CDC42SE2: variants seen among roughly 807,000 people sequenced by gnomAD.
The protein encoded by CDC42SE2 is CDC42 small effector protein 2.
A neutral mutation model predicts 11.5 loss-of-function variants in CDC42SE2; 3 were observed. The ratio of observed to expected loss-of-function variants is 0.26; its 90% confidence interval spans 0.12 to 0.67. The LOEUF (loss-of-function observed/expected upper bound fraction) is 0.67. Ranked by LOEUF, CDC42SE2 falls within the 30% of genes least tolerant of loss-of-function variation. The pLI, the probability that CDC42SE2 is intolerant of heterozygous loss-of-function variation, is 0.80. For missense variants in CDC42SE2, 82 were observed against 106.8 expected, an observed-to-expected ratio of 0.77 and a Z score of 1.02; for synonymous variants, 33 against 34.8, an observed-to-expected ratio of 0.95 and a Z score of 0.18.
upstream of CDC42SE2, among the ~76,000 whole-genome samples, chr5:131,263,483 C>T (rs1267758051): frequency 3.9e-5 from 6 of 152,192 alleles, no homozygotes; most frequent in Non-Finnish European, 7.3e-5. Context: ...GTAATTTTCA[C>T]GCATTTCAAA....
chr5:131,318,265 A>G (rs1758092992), intron 2 of CDC42SE2, among the ~76,000 whole-genome samples: 1 of 152,170 alleles, frequency 6.6e-6, no homozygotes, highest in Non-Finnish European at 1.5e-5. Context: ...AAGAAGATAG[A>G]GAAAGTTGTA....
chr5:131,256,775 G>A (rs1756682666), intron 2 of CDC42SE2, among the ~76,000 whole-genome samples: 1 of 152,162 alleles, frequency 6.6e-6, no homozygotes, highest in Non-Finnish European at 1.5e-5. Flanking sequence ...CAAGCATCAC[G>A]TTCTTTTCAT....
the CDC42SE2 span, among the ~76,000 whole-genome samples, chr5:131,224,989 G>A: frequency 6.6e-6 from 1 of 152,120 alleles, no homozygotes; most frequent in East Asian, 1.9e-4. Context: ...GGAATGGGGG[G>A]TCCACATGAA....
At chr5:131,268,181 G>C (rs1278421606) in intron 1 of CDC42SE2, among the ~76,000 whole-genome samples, 1 of 143,840 alleles carries the variant, frequency 7.0e-6, no homozygotes, top group Non-Finnish European at 1.5e-5. Context: ...TCCTGCCTCA[G>C]CCTCCTGAGT....
At chr5:131,238,661 T>A in the CDC42SE2 span, among the ~76,000 whole-genome samples, 17 of 151,676 alleles carry the variant, frequency 1.1e-4, no homozygotes, top group Non-Finnish European at 2.2e-4. Context: ...TAAAAAATAT[T>A]ATTTTTCTCT....
chr5:131,211,470 A>G, the CDC42SE2 span, among the ~76,000 whole-genome samples: 1 of 152,180 alleles, frequency 6.6e-6, no homozygotes, highest in South Asian at 2.1e-4. Flanking sequence ...CTAACCTATC[A>G]AGTACTACAT....
chr5:131,364,782 G>C (rs1378898616), intron 3 of CDC42SE2, among the ~76,000 whole-genome samples: 1 of 152,148 alleles, frequency 6.6e-6, no homozygotes, highest in African/African-American at 2.4e-5. Context: ...TTGTTGTTCT[G>C]ATGTATAGTT....
the CDC42SE2 span, among the ~76,000 whole-genome samples, chr5:131,221,091 G>T: frequency 1.3e-5 from 2 of 151,792 alleles, no homozygotes; most frequent in South Asian, 4.2e-4. Context: ...TCACCATGTT[G>T]ACCAGGCTGG....
intron 1 of CDC42SE2, among the ~76,000 whole-genome samples, chr5:131,278,725 C>CCCCT (rs1757161600): frequency 1.1e-4 from 1 of 8,746 alleles, no homozygotes; most frequent in Middle Eastern, 0.033. Context: ...CCCTCCCCTC[C>CCCCT]CCCCTCCCCT....
intron 2 of CDC42SE2, among the ~76,000 whole-genome samples, chr5:131,337,366 C>G (rs931448151): frequency 2.6e-5 from 4 of 152,168 alleles, no homozygotes; most frequent in Non-Finnish European, 4.4e-5. Flanking sequence ...CATGAGGTGT[C>G]AAGTCTGCCC....
chr5:131,225,308 G>C, the CDC42SE2 span, among the ~76,000 whole-genome samples: 1 of 152,170 alleles, frequency 6.6e-6, no homozygotes, highest in Non-Finnish European at 1.5e-5. Flanking sequence ...GGGATTTCAG[G>C]CCTAAATATT....
chr5:131,244,471 G>A (rs948989040), upstream of CDC42SE2, among the ~76,000 whole-genome samples: 3 of 152,208 alleles, frequency 2.0e-5, no homozygotes, highest in Admixed American at 6.5e-5. Context: ...AGCGCTTTGG[G>A]AAGCCAAGGT....
chr5:131,245,196 T>C (rs1459594933), upstream of CDC42SE2, among the ~76,000 whole-genome samples: 1 of 152,232 alleles, frequency 6.6e-6, no homozygotes, highest in Non-Finnish European at 1.5e-5. Flanking sequence ...ATTTTCTAGA[T>C]ACCAGCTCTT....
At chr5:131,345,260 A>T (rs2149756701) in intron 2 of CDC42SE2, among the ~76,000 whole-genome samples, 1 of 152,284 alleles carries the variant, frequency 6.6e-6, no homozygotes, top group African/African-American at 2.4e-5. Context: ...ACCTTGAAAA[A>T]AGATGAGACG....
intron 2 of CDC42SE2, among the ~76,000 whole-genome samples, chr5:131,334,733 A>G (rs1010673012): frequency 6.6e-6 from 1 of 151,822 alleles, no homozygotes; most frequent in Admixed American, 6.6e-5. Flanking sequence ...TTTCTTCTAG[A>G]TTTTCTAGTT....
intron 2 of CDC42SE2, among the ~76,000 whole-genome samples, chr5:131,330,126 T>A (rs1241928895): frequency 6.6e-6 from 1 of 152,056 alleles, no homozygotes; most frequent in Non-Finnish European, 1.5e-5. Context: ...TAAGCAGCTT[T>A]ATTTACACGT....
At chr5:131,276,890 G>A (rs2149698144) in intron 1 of CDC42SE2, among the ~76,000 whole-genome samples, 1 of 152,080 alleles carries the variant, frequency 6.6e-6, no homozygotes, top group African/African-American at 2.4e-5. Flanking sequence ...ATCATGCCCA[G>A]CTAATTTTTT....
chr5:131,275,236 T>C (rs1211966341), intron 1 of CDC42SE2, among the ~76,000 whole-genome samples: 1 of 152,064 alleles, frequency 6.6e-6, no homozygotes, highest in African/African-American at 2.4e-5. Flanking sequence ...TGATGTTTCT[T>C]CAATTCTGAG....
intron 1 of CDC42SE2, among the ~76,000 whole-genome samples, chr5:131,301,526 G>A (rs1246458595): frequency 6.6e-6 from 1 of 152,068 alleles, no homozygotes; most frequent in African/African-American, 2.4e-5. Flanking sequence ...TTGGGAGGCC[G>A]AGGCAGGCAG....
Sources: gnomAD v4.1 joint callset for allele counts (sites outside exome capture counted in the v4.1 genomes callset) on GRCh38, gnomAD v4.1.1 for gene constraint, MANE v1.5 for transcripts, NCBI Gene and HGNC (gene_info 2026-07-23, HGNC 2026-07-21) for gene names.